The following DPYD variants were observed in gnomAD, a reference collection of about 807,000 sequenced individuals.
DPYD encodes the protein dihydropyrimidine dehydrogenase [NADP(+)].
Under a neutral mutation model 116.2 loss-of-function variants are expected in DPYD, and 109 were observed. That is an observed-to-expected ratio of 0.94 (90% CI 0.80 to 1.10). The LOEUF (loss-of-function observed/expected upper bound fraction) is 1.10, where lower values mean the gene tolerates loss of function less well. DPYD is among the 50% of genes least tolerant of loss of function. DPYD has a pLI of 0.00. For missense variants in DPYD, 1,302 were observed against 1,254.5 expected (o/e 1.04, Z -0.57); for synonymous variants, 440 against 432.0 (o/e 1.02, Z -0.23).
intron 1 of DPYD, among the ~76,000 whole-genome samples, chr1:97,901,116 T>G (rs1325966911): frequency 6.6e-6 from 1 of 151,798 alleles, no homozygotes; most frequent in Non-Finnish European, 1.5e-5. Context: ...CAGGCACCCC[T>G]TCAAGTGTTT....
At chr1:97,737,808 T>C (rs1437140645) in intron 4 of DPYD, among the ~76,000 whole-genome samples, 1 of 152,136 alleles carries the variant, frequency 6.6e-6, no homozygotes, top group Non-Finnish European at 1.5e-5. Context: ...CAAACACGTA[T>C]CAATGTAACT....
chr1:97,591,789 C>T (rs1296546477), intron 10 of DPYD, among the ~76,000 whole-genome samples: 4 of 152,026 alleles, frequency 2.6e-5, no homozygotes, highest in East Asian at 1.9e-4. Context: ...AAACTATGTG[C>T]CAGGTCCTGT....
intron 12 of DPYD, among the ~76,000 whole-genome samples, chr1:97,518,879 T>C (rs2101984851): frequency 6.6e-6 from 1 of 152,124 alleles, no homozygotes; most frequent in East Asian, 1.9e-4. Context: ...AAACTGTGAG[T>C]TAATATTATA....
At chr1:97,419,109 C>G (rs185568016) in intron 14 of DPYD, among the ~76,000 whole-genome samples, 1 of 152,054 alleles carries the variant, frequency 6.6e-6, no homozygotes, top group Non-Finnish European at 1.5e-5. Flanking sequence ...ATGGATATCC[C>G]ACAGGCACCA....
At chr1:97,785,771 C>G (rs748887280) in intron 3 of DPYD, among the ~76,000 whole-genome samples, 1 of 141,238 alleles carries the variant, frequency 7.1e-6, no homozygotes, top group African/African-American at 2.7e-5. Flanking sequence ...CCGCTCACTG[C>G]AAACTCCACC....
intron 5 of DPYD, among the ~76,000 whole-genome samples, chr1:97,705,918 C>T (rs867436389): frequency 3.3e-4 from 50 of 151,782 alleles, no homozygotes; most frequent in African/African-American, 1.0e-3. Context: ...GTTTTTTGGC[C>T]GCATAAATGT....
At chr1:97,661,900 G>T (rs1659280698) in intron 8 of DPYD, among the ~76,000 whole-genome samples, 2 of 148,420 alleles carry the variant, frequency 1.3e-5, no homozygotes, top group South Asian at 4.3e-4. Flanking sequence ...ATACACACGT[G>T]TATATACACA....
At chr1:97,286,424 C>A (rs1262755590) in intron 18 of DPYD, among the ~76,000 whole-genome samples, 1 of 152,086 alleles carries the variant, frequency 6.6e-6, no homozygotes, top group African/African-American at 2.4e-5. Flanking sequence ...CAAGGAGTAT[C>A]TTTGTGGCGT....
At chr1:97,635,927 T>C (rs1181123325) in intron 8 of DPYD, among the ~76,000 whole-genome samples, 1 of 152,062 alleles carries the variant, frequency 6.6e-6, no homozygotes, top group Non-Finnish European at 1.5e-5. Flanking sequence ...CCAAGCAATC[T>C]TCCCACCTCA....
rs752856199 is a variant in DPYD, at chr1:97,343,009, C to T, written c.2058+30552G>A. On this transcript the variant is annotated intron_variant, in intron 16 of 22. Transcript: ENST00000370192. ...TTTCAGGAGAGGAAAAAAAAACACT[C>T]AAAGAAACAAACAAACAAACAAATA... 3.9e-5 allele frequency among the ~76,000 whole-genome samples: 6 copies of T among 152,020 alleles called. No homozygotes were observed. In the South Asian group the frequency reaches 6.2e-4, roughly 16 times the overall value.
At chr1:97,665,349 GATC>G (rs754515950) in intron 8 of DPYD, among the ~76,000 whole-genome samples, 18 of 152,080 alleles carry the variant, frequency 1.2e-4, no homozygotes, top group Non-Finnish European at 2.5e-4. Context: ...TATAATAAGT[GATC>G]ATGCCTCCCA....
chr1:97,617,981 C>A (rs1656395009), intron 8 of DPYD, among the ~76,000 whole-genome samples: 1 of 152,166 alleles, frequency 6.6e-6, no homozygotes, highest in Non-Finnish European at 1.5e-5. Context: ...AAATGTAAGT[C>A]ATACCAGGGT....
At chr1:97,503,043 A>G (rs900395965) in intron 13 of DPYD, among the ~76,000 whole-genome samples, 8 of 152,040 alleles carry the variant, frequency 5.3e-5, no homozygotes, top group African/African-American at 1.9e-4. Context: ...TTCAATAATA[A>G]CTAGTATGAT....
intron 5 of DPYD, among the ~76,000 whole-genome samples, chr1:97,718,403 C>T (rs1467480595): frequency 2.0e-5 from 3 of 151,450 alleles, no homozygotes; most frequent in Non-Finnish European, 4.4e-5. Flanking sequence ...AAGTAAAGTG[C>T]TAAGAGGTAT....
At position 97,687,259 on chromosome 1, in the gene DPYD, A is replaced by G. The variant is rs369171125; in HGVS notation, c.762+4458T>C. On this transcript the variant is annotated intron_variant, in intron 7 of 22. Coordinates refer to ENST00000370192, the MANE Select transcript of DPYD (RefSeq NM_000110.4). Reference sequence around the variant, plus strand: ...GCACTCCAGCCTGGGTAACAGAGCTAGACTCCATCCTCCATCTCAAACAAA... The same window carrying G: ...GCACTCCAGCCTGGGTAACAGAGCTGGACTCCATCCTCCATCTCAAACAAA... Among the ~76,000 whole-genome samples, 195 of 152,298 alleles carry G rather than the reference A, an allele frequency of 1.3e-3. 11 individuals are homozygous for G. In the South Asian group the frequency reaches 0.038, roughly 29 times the overall value.
chr1:97,288,233 A>C (rs1665869716), intron 18 of DPYD, among the ~76,000 whole-genome samples: 1 of 148,192 alleles, frequency 6.7e-6, no homozygotes, highest in Admixed American at 6.8e-5. Flanking sequence ...ACACAATAAT[A>C]ATGGGAGAAT....
intron 14 of DPYD, among the ~76,000 whole-genome samples, chr1:97,386,211 A>T (rs1672335441): frequency 1.3e-5 from 2 of 151,954 alleles, no homozygotes; most frequent in South Asian, 2.1e-4. Flanking sequence ...AAGTATCCCC[A>T]CCTGCACTGA....
chr1:97,331,078 G>A (rs1159730788), intron 16 of DPYD, among the ~76,000 whole-genome samples: 1 of 152,118 alleles, frequency 6.6e-6, no homozygotes, highest in African/African-American at 2.4e-5. Flanking sequence ...AACACAGTAA[G>A]AGGAAACTGA....
chr1:97,670,109 G>C (rs1376962765), intron 8 of DPYD, among the ~76,000 whole-genome samples: 1 of 152,106 alleles, frequency 6.6e-6, no homozygotes, highest in Non-Finnish European at 1.5e-5. Flanking sequence ...GGAGGGGAAG[G>C]GTTGTGTACT....
Sources: gnomAD v4.1 joint callset for allele counts (sites outside exome capture counted in the v4.1 genomes callset) on GRCh38, gnomAD v4.1.1 for gene constraint, MANE v1.5 for transcripts, NCBI Gene and HGNC (gene_info 2026-07-23, HGNC 2026-07-21) for gene names.